ROBO1: variants seen among roughly 807,000 people sequenced by gnomAD.
The protein encoded by ROBO1 is roundabout guidance receptor 1.
ROBO1 carries 149 observed loss-of-function variants against 195.9 expected under a neutral mutation model. The ratio of observed to expected loss-of-function variants is 0.76; its 90% CI spans 0.67 to 0.87. The LOEUF is 0.87. Ranked by LOEUF, ROBO1 falls within the 40% of genes least tolerant of loss-of-function variation. The probability of loss-of-function intolerance (pLI) is 0.00; values close to 1 mark genes in which losing one functional copy is unlikely to be tolerated. For missense variants in ROBO1, 1,933 were observed against 2,068.3 expected (o/e 0.93, Z 1.27); for synonymous variants, 816 against 733.2 (o/e 1.11, Z -1.82).
At chr3:79,430,962 G>C (rs2038653868) in intron 2 of ROBO1, among the ~76,000 whole-genome samples, 1 of 152,086 alleles carries the variant, frequency 6.6e-6, no homozygotes, top group African/African-American at 2.4e-5. Context: ...AGTATTTGTA[G>C]TAGGATGTAA....
chr3:79,609,463 A>C (rs553391461), intron 1 of ROBO1, among the ~76,000 whole-genome samples: 2 of 152,076 alleles, frequency 1.3e-5, no homozygotes, highest in African/African-American at 4.8e-5. Context: ...AAAATAGTTA[A>C]GATAGAATTT....
At chr3:79,738,826 A>T (rs894312399) in intron 1 of ROBO1, among the ~76,000 whole-genome samples, 5 of 152,130 alleles carry the variant, frequency 3.3e-5, no homozygotes, top group African/African-American at 1.2e-4. Flanking sequence ...TCCTGAGGAA[A>T]TTGTTTCCCG....
chr3:79,436,668 C>T (rs771522646), intron 2 of ROBO1, among the ~76,000 whole-genome samples: 1 of 151,980 alleles, frequency 6.6e-6, no homozygotes, highest in Non-Finnish European at 1.5e-5. Context: ...ATTTTTGATA[C>T]AGTGTGAGAT....
At chr3:79,087,305 C>T (rs1470802652) in intron 3 of ROBO1, among the ~76,000 whole-genome samples, 3 of 151,964 alleles carry the variant, frequency 2.0e-5, no homozygotes, top group African/African-American at 7.3e-5. Context: ...TAAAGTGCAT[C>T]GACTTAATAT....
intron 1 of ROBO1, among the ~76,000 whole-genome samples, chr3:79,615,478 CTT>C (rs1440473169): frequency 1.3e-5 from 2 of 152,146 alleles, no homozygotes; most frequent in Non-Finnish European, 2.9e-5. Context: ...CCTCCTGAGA[CTT>C]TGTCATAGGA....
chr3:79,597,203 T>C (rs1254925387), intron 1 of ROBO1, among the ~76,000 whole-genome samples: 1 of 151,896 alleles, frequency 6.6e-6, no homozygotes, highest in East Asian at 1.9e-4. Context: ...TAATACGGTG[T>C]GTATAAGTCC....
intron 2 of ROBO1, among the ~76,000 whole-genome samples, chr3:79,393,206 A>C (rs548589263): frequency 6.6e-6 from 1 of 152,310 alleles, no homozygotes; most frequent in South Asian, 2.1e-4. Context: ...ATAAATTAGA[A>C]ATGGATGAAT....
chr3:78,910,137 A>T (rs1231843946), intron 4 of ROBO1, among the ~76,000 whole-genome samples: 2 of 151,858 alleles, frequency 1.3e-5, no homozygotes, highest in Non-Finnish European at 2.9e-5. Flanking sequence ...GCAAGAACAA[A>T]TGATGGATAA....
intron 1 of ROBO1, among the ~76,000 whole-genome samples, chr3:79,609,364 G>A (rs1466883726): frequency 6.6e-6 from 1 of 151,802 alleles, no homozygotes; most frequent in African/African-American, 2.4e-5. Context: ...AGTGTCAGTA[G>A]GGATGAAGAA....
intron 8 of ROBO1, among the ~76,000 whole-genome samples, chr3:78,691,569 A>G (rs867658394): frequency 6.6e-6 from 1 of 152,186 alleles, no homozygotes; most frequent in Non-Finnish European, 1.5e-5. Context: ...TAATGTCAAC[A>G]TCCTTCTGAC....
chr3:78,995,693 G>A (rs777595244), intron 3 of ROBO1, among the ~76,000 whole-genome samples: 1 of 150,720 alleles, frequency 6.6e-6, no homozygotes, highest in African/African-American at 2.4e-5. Flanking sequence ...ATGAGCCCAC[G>A]AGGTCGAGGC....
intron 1 of ROBO1, among the ~76,000 whole-genome samples, chr3:79,668,930 G>T (rs1372572599): frequency 1.3e-5 from 2 of 151,906 alleles, no homozygotes; most frequent in Non-Finnish European, 2.9e-5. Flanking sequence ...CTATAGTCAT[G>T]TGCTATGTGA....
chr3:78,677,972 G>C (rs1425195740), intron 10 of ROBO1, among the ~76,000 whole-genome samples: 4 of 151,632 alleles, frequency 2.6e-5, no homozygotes, highest in African/African-American at 9.7e-5. Flanking sequence ...ATAACAAACT[G>C]TCTCTCAGAC....
At chr3:79,461,751 G>A (rs1287209617) in intron 2 of ROBO1, among the ~76,000 whole-genome samples, 1 of 152,152 alleles carries the variant, frequency 6.6e-6, no homozygotes, top group African/African-American at 2.4e-5. Context: ...AAGATGCCAT[G>A]CAACAACAGC....
At chr3:79,588,496 GCTGTAT>G (rs745343210) in intron 2 of ROBO1, among the ~76,000 whole-genome samples, 1 of 151,610 alleles carries the variant, frequency 6.6e-6, no homozygotes, top group Non-Finnish European at 1.5e-5. Flanking sequence ...TTATACCTAG[GCTGTAT>G]CTGTATCTGT....
intron 2 of ROBO1, among the ~76,000 whole-genome samples, chr3:79,208,720 T>TGTGTGTGC (rs1491298852): frequency 8.6e-5 from 12 of 139,970 alleles, no homozygotes; most frequent in African/African-American, 2.8e-4. Flanking sequence ...TGTGTGTGTG[T>TGTGTGTGC]GCGCCTGCAT....
At chr3:78,845,862 T>C (rs1369824218) in intron 4 of ROBO1, among the ~76,000 whole-genome samples, 1 of 152,182 alleles carries the variant, frequency 6.6e-6, no homozygotes, top group Non-Finnish European at 1.5e-5. Context: ...ATCCATGCAG[T>C]AAATCATTTT....
rs1364194891 is a variant in ROBO1 at position 78,920,628 on chromosome 3, T to TG, written c.499+17972_499+17973insC. On this transcript the variant is annotated intron_variant, in intron 4 of 30. Coordinates refer to ENST00000464233, the MANE Select transcript of ROBO1 (RefSeq NM_002941.4). ...CCTTTCTTTTTCTTTCTTTCAGTTT[T>TG]TTTTTTTTTTTTTTTTTTTTTTTTG... Among the ~76,000 whole-genome samples the TG allele has an allele frequency of 2.6e-4, 34 of 128,380 alleles. 1 individual carries two copies. Among genetic ancestry groups the TG allele is most frequent in the African/African-American group, 1.0e-3 (31 of 31,070 alleles). The allele number at this position is 128,380 out of a possible 152,430, so 84.2% of individuals were successfully genotyped here. A position where few individuals can be genotyped will look rare whatever the true frequency, so the allele number is the denominator to read the frequency against.
At chr3:79,056,024 C>T (rs1050474014) in intron 3 of ROBO1, among the ~76,000 whole-genome samples, 1 of 152,088 alleles carries the variant, frequency 6.6e-6, no homozygotes, top group African/African-American at 2.4e-5. Context: ...ATTTAAGGGC[C>T]ATTAATGCAG....
Sources: gnomAD v4.1 joint callset for allele counts (sites outside exome capture counted in the v4.1 genomes callset) on GRCh38, gnomAD v4.1.1 for gene constraint, MANE v1.5 for transcripts, NCBI Gene and HGNC (gene_info 2026-07-23, HGNC 2026-07-21) for gene names.